The following TBC1D2B variants were observed in gnomAD, a reference collection of about 807,000 sequenced individuals.
The protein encoded by TBC1D2B is TBC1 domain family, member 2B.
Under a neutral mutation model 100.8 loss-of-function variants are expected in TBC1D2B, and 64 were observed. The ratio of observed to expected loss-of-function variants is 0.64; its 90% CI spans 0.52 to 0.78. The LOEUF (loss-of-function observed/expected upper bound fraction) is 0.78. TBC1D2B is among the 30% of genes least tolerant of loss of function. TBC1D2B has a pLI of 0.00. For missense variants in TBC1D2B, 1,052 were observed against 1,218.4 expected (o/e 0.86, Z 2.03); for synonymous variants, 480 against 479.7 (o/e 1.00, Z -0.01).
chr15:78,072,094 T>C (rs1230048333), intron 1 of TBC1D2B, among the ~76,000 whole-genome samples: 1 of 152,188 alleles, frequency 6.6e-6, no homozygotes, highest in Middle Eastern at 3.2e-3. Flanking sequence ...CCTCTAAATA[T>C]CATCACACTG....
intron 8 of TBC1D2B, 60 bp downstream of exon 8, chr15:78,016,486 G>A: frequency 3.3e-6 from 5 of 1,523,260 alleles, no homozygotes; most frequent in Non-Finnish European, 4.5e-6. Context: ...GGTTCCTGCT[G>A]TTGAAAAAGG....
intron 2 of TBC1D2B, among the ~76,000 whole-genome samples, chr15:78,052,950 C>A (rs2073345708): frequency 1.3e-5 from 2 of 152,196 alleles, no homozygotes; most frequent in Admixed American, 6.5e-5. Context: ...AGCGCTAAGA[C>A]AGTCGTGAAA....
chr15:78,037,626 A>G (rs900623603), intron 3 of TBC1D2B, among the ~76,000 whole-genome samples: 2 of 139,326 alleles, frequency 1.4e-5, no homozygotes, highest in Non-Finnish European at 3.1e-5. Context: ...GGAGAGGAAG[A>G]TGCAGCAGGG....
intron 11 of TBC1D2B, among the ~76,000 whole-genome samples, chr15:78,002,105 ACT>A (rs1179672485): frequency 3.3e-5 from 5 of 152,072 alleles, no homozygotes; most frequent in Non-Finnish European, 5.9e-5. Flanking sequence ...TGATTCTGAA[ACT>A]CTTAGAAAGT....
intron 3 of TBC1D2B, among the ~76,000 whole-genome samples, chr15:78,044,102 T>G (rs1422790260): frequency 6.6e-6 from 1 of 150,466 alleles, no homozygotes; most frequent in Non-Finnish European, 1.5e-5. Flanking sequence ...CGGCTGAGGG[T>G]TGACAGAGGA....
chr15:78,016,663 A>G lies in TBC1D2B; in HGVS notation c.1658T>C (p.Val553Ala). The G allele has an allele frequency of 6.2e-7, 1 of 1,608,710 alleles. No homozygotes were observed. Among genetic ancestry groups the G allele is most frequent in the South Asian group, 1.1e-5 (1 of 90,314 alleles). ...LILLQEMKTP[V>A]CSEDQGPTRE... is the part of the protein sequence containing the mutation. The stretch of plus-strand genomic sequence containing the variant: ...GGTGGGCCCCTGGTCTTCTGAGCAC[A>G]CTGGTGTCTTCATTTCTTGGAGCAA... Residue 553 changes from valine (V) to alanine (A), a missense_variant, in exon 8 of 13, where the codon GTG becomes GCG. This residue lies in a region of TBC1D2B where 373 missense variants were observed against 464.9 expected (regional missense o/e 0.80). Transcript: ENST00000300584.
chr15:78,008,325 G>A (rs1484081305), intron 10 of TBC1D2B, among the ~76,000 whole-genome samples: 1 of 152,240 alleles, frequency 6.6e-6, no homozygotes, highest in Non-Finnish European at 1.5e-5. Flanking sequence ...TGCAGGAGGT[G>A]ACTGCAGGCC....
At chr15:78,003,842 C>T (rs1317720562) in intron 10 of TBC1D2B, among the ~76,000 whole-genome samples, 2 of 152,200 alleles carry the variant, frequency 1.3e-5, no homozygotes, top group South Asian at 2.1e-4. Flanking sequence ...CAAGTAAATA[C>T]GTGAGATGTT....
chr15:78,012,006 C>T (rs151008364), intron 9 of TBC1D2B, among the ~76,000 whole-genome samples: 4 of 152,300 alleles, frequency 2.6e-5, no homozygotes, highest in Admixed American at 1.3e-4. Flanking sequence ...AACTCCCGGG[C>T]TCAAGCGATC....
intron 2 of TBC1D2B, among the ~76,000 whole-genome samples, chr15:78,047,126 G>C (rs114954825): frequency 6.6e-6 from 1 of 151,722 alleles, no homozygotes; most frequent in African/African-American, 2.4e-5. Flanking sequence ...GGTGTGCTGG[G>C]AACAGAAGAA....
Position 78,024,473 on chromosome 15 carries a change from G to C in TBC1D2B, c.1153C>G (p.Arg385Gly), listed in dbSNP as rs919153390. The change falls in exon 6 of 13, where the codon CGG (arginine) becomes GGG (glycine). Residue 385 changes from arginine to glycine, a missense_variant. Coordinates refer to ENST00000300584, the MANE Select transcript of TBC1D2B (RefSeq NM_144572.2). ...TCCTTTGGGACCCCCTCACAGAGCC[G>C]GCTGCTTGTGAAATACTTGTCATAC... ...SQYDKYFTSSRLCEGVPKDTL... is the reference protein window; with the variant it reads ...SQYDKYFTSSGLCEGVPKDTL... The C allele has an allele frequency of 1.9e-6, 3 of 1,613,892 alleles. No homozygotes were observed. The highest frequency in any genetic ancestry group is 2.7e-5 in the African/African-American group (2 of 74,916).
chr15:78,008,820 C>T (rs925358523), intron 10 of TBC1D2B, among the ~76,000 whole-genome samples, 177 bp downstream of exon 10: 1 of 152,204 alleles, frequency 6.6e-6, no homozygotes, highest in Non-Finnish European at 1.5e-5. Flanking sequence ...GCCTCAGTCA[C>T]AAACAGCAGG....
chr15:78,066,044 G>A, intron 1 of TBC1D2B: 1 of 471,040 alleles, frequency 2.1e-6, no homozygotes, highest in South Asian at 1.5e-5. Flanking sequence ...TGGTGGTGGT[G>A]ATCATTGCAA....
chr15:78,016,989 T>A (rs904218476), intron 7 of TBC1D2B: 6 of 418,974 alleles, frequency 1.4e-5, no homozygotes, highest in African/African-American at 1.3e-4. Context: ...AACAAATGCA[T>A]CACCTCTGGA....
chr15:78,044,758 A>G (rs1474989529), intron 3 of TBC1D2B, 142 bp downstream of exon 3: 2 of 756,568 alleles, frequency 2.6e-6, no homozygotes, highest in South Asian at 2.2e-5. Context: ...TAAAACCACA[A>G]TGATCTATGG....
intron 1 of TBC1D2B, among the ~76,000 whole-genome samples, chr15:78,057,711 G>A (rs1056059351): frequency 6.6e-6 from 1 of 152,172 alleles, no homozygotes; most frequent in Admixed American, 6.5e-5. Flanking sequence ...GCTAGTAAAA[G>A]GCTGGGGGCC....
intron 1 of TBC1D2B, 101 bp downstream of exon 1, chr15:78,077,192 G>C (rs1195139675): frequency 1.5e-6 from 2 of 1,365,028 alleles, no homozygotes; most frequent in Non-Finnish European, 1.9e-6. Flanking sequence ...GGGCAGGGGC[G>C]AGGAGGCCTT....
chr15:78,022,341 AG>A (rs2072536024), intron 6 of TBC1D2B, among the ~76,000 whole-genome samples: 1 of 152,216 alleles, frequency 6.6e-6, no homozygotes, highest in African/African-American at 2.4e-5. Context: ...CCTGGGCAAA[AG>A]AGCAAGACAC....
At chr15:78,032,094 T>C (rs912330061) in intron 3 of TBC1D2B, among the ~76,000 whole-genome samples, 3 of 152,154 alleles carry the variant, frequency 2.0e-5, no homozygotes, top group Non-Finnish European at 4.4e-5. Flanking sequence ...TCCCCAAGTC[T>C]TCAACCGAGT....
Sources: gnomAD v4.1 joint callset for allele counts (sites outside exome capture counted in the v4.1 genomes callset) on GRCh38, gnomAD v4.1.1 for gene constraint, gnomAD v4.1.1 regional missense constraint, MANE v1.5 for transcripts, NCBI Gene and HGNC (gene_info 2026-07-23, HGNC 2026-07-21) for gene names.